The following GRID1 variants were observed in gnomAD, a reference collection of about 807,000 sequenced individuals.
GRID1 encodes the protein glutamate receptor ionotropic, delta-1.
In GRID1, 28 loss-of-function variants were observed where a neutral mutation model predicts 98.0. That is an observed-to-expected ratio of 0.29 (90% confidence interval 0.21 to 0.39). The LOEUF (loss-of-function observed/expected upper bound fraction) is 0.39. Among genes scored for constraint, GRID1 ranks in the 10% least tolerant of loss-of-function variants. GRID1 has a pLI of 1.00. For synonymous variants in GRID1, 553 were observed against 538.5 expected, an observed-to-expected ratio of 1.03 and a Z score of -0.37; for missense variants, 1,111 against 1,340.5, an observed-to-expected ratio of 0.83 and a Z score of 2.67.
At chr10:85,655,067 G>A (rs1425186002) in intron 12 of GRID1, among the ~76,000 whole-genome samples, 1 of 152,172 alleles carries the variant, frequency 6.6e-6, no homozygotes, top group Non-Finnish European at 1.5e-5. Flanking sequence ...CCCCAGCAAA[G>A]GAGGCTTAGT....
chr10:85,900,112 G>A (rs74148827), intron 5 of GRID1, among the ~76,000 whole-genome samples: 93 of 152,314 alleles, frequency 6.1e-4, no homozygotes, highest in African/African-American at 2.1e-3. Context: ...GGTTCTGGTG[G>A]TTTGAACTAT....
intron 8 of GRID1, among the ~76,000 whole-genome samples, chr10:85,781,297 C>G (rs1842378846): frequency 6.6e-6 from 1 of 152,206 alleles, no homozygotes; most frequent in African/African-American, 2.4e-5. Flanking sequence ...ACTTCTGAGT[C>G]ATAATATCAT....
At chr10:86,327,474 T>C (rs560399608) in intron 2 of GRID1, among the ~76,000 whole-genome samples, 6 of 152,300 alleles carry the variant, frequency 3.9e-5, no homozygotes, top group African/African-American at 1.4e-4. Flanking sequence ...TCACAATCAA[T>C]CAATGCCAAT....
chr10:86,040,737 G>C (rs1025038415), intron 4 of GRID1, among the ~76,000 whole-genome samples: 3 of 152,142 alleles, frequency 2.0e-5, no homozygotes, highest in African/African-American at 7.2e-5. Context: ...AATTAAAAGA[G>C]AGAATTTTGA....
At chr10:86,207,400 C>A (rs1846042427) in intron 2 of GRID1, among the ~76,000 whole-genome samples, 1 of 152,172 alleles carries the variant, frequency 6.6e-6, no homozygotes, top group South Asian at 2.1e-4. Context: ...GCGGACGCTC[C>A]AGCAGCCGCT....
intron 8 of GRID1, among the ~76,000 whole-genome samples, chr10:85,791,982 C>A (rs1842485031): frequency 6.6e-6 from 1 of 152,024 alleles, no homozygotes; most frequent in African/African-American, 2.4e-5. Flanking sequence ...TCCCTGGGGC[C>A]CCCAGGCAGG....
At chr10:85,678,646 G>A (rs1283763419) in intron 12 of GRID1, among the ~76,000 whole-genome samples, 1 of 151,954 alleles carries the variant, frequency 6.6e-6, no homozygotes, top group African/African-American at 2.4e-5. Context: ...CCATACATCA[G>A]CCCTTCTTTA....
chr10:85,975,867 T>C (rs1432280408), intron 4 of GRID1, among the ~76,000 whole-genome samples: 1 of 152,228 alleles, frequency 6.6e-6, no homozygotes, highest in East Asian at 1.9e-4. Flanking sequence ...TAAAATATAT[T>C]TCATCTACAT....
At chr10:86,159,465 A>G (rs1845289987) in intron 3 of GRID1, among the ~76,000 whole-genome samples, 1 of 152,260 alleles carries the variant, frequency 6.6e-6, no homozygotes, top group South Asian at 2.1e-4. Flanking sequence ...CAGTACAGTA[A>G]CATGCTGTGC....
intron 5 of GRID1, among the ~76,000 whole-genome samples, chr10:85,892,024 G>A (rs1448147704): frequency 6.6e-6 from 1 of 151,762 alleles, no homozygotes; most frequent in East Asian, 1.9e-4. Context: ...AGAAGATAGA[G>A]CAAAACATGC....
At chr10:86,279,590 G>T (rs550478322) in intron 2 of GRID1, among the ~76,000 whole-genome samples, 1 of 152,270 alleles carries the variant, frequency 6.6e-6, no homozygotes, top group African/African-American at 2.4e-5. Flanking sequence ...ACTAGGCATA[G>T]AAAGGAACTT....
intron 8 of GRID1, among the ~76,000 whole-genome samples, chr10:85,823,761 A>G (rs1199319717): frequency 1.3e-5 from 2 of 152,338 alleles, no homozygotes; most frequent in Non-Finnish European, 2.9e-5. Flanking sequence ...ATGAGAAATG[A>G]TAAGACTGAC....
chr10:85,769,709 G>A (rs1372789483), intron 8 of GRID1, among the ~76,000 whole-genome samples: 5 of 152,216 alleles, frequency 3.3e-5, no homozygotes, highest in Non-Finnish European at 5.9e-5. Flanking sequence ...CACCCACGGA[G>A]TCTCGCTGAT....
At position 85,896,109 on chromosome 10, in the gene GRID1, G is replaced by A. The variant is rs141694134; in HGVS notation, c.780+20077C>T. Among the ~76,000 whole-genome samples the A allele has an allele frequency of 3.4e-3, 524 of 152,192 alleles. 3 individuals are homozygous for A. Among genetic ancestry groups the A allele is most frequent in the African/African-American group, 0.011 (474 of 41,520 alleles). On this transcript the variant is annotated intron_variant, in intron 5 of 15. Coordinates refer to ENST00000327946, the MANE Select transcript of GRID1 (RefSeq NM_017551.3). Reference sequence around the variant, plus strand: ...AGCTACTTTACATTGTCTTCCACTGGCTCTTTGAATCTGTTCATTCATTCA... The same window carrying A: ...AGCTACTTTACATTGTCTTCCACTGACTCTTTGAATCTGTTCATTCATTCA...
intron 8 of GRID1, among the ~76,000 whole-genome samples, chr10:85,847,491 T>A (rs1843017463): frequency 6.6e-6 from 1 of 152,178 alleles, no homozygotes; most frequent in African/African-American, 2.4e-5. Flanking sequence ...TGAATTAAAT[T>A]AAAGCTCAGA....
intron 2 of GRID1, among the ~76,000 whole-genome samples, chr10:86,230,305 C>T (rs1846430905): frequency 6.6e-6 from 1 of 152,202 alleles, no homozygotes; most frequent in Non-Finnish European, 1.5e-5. Context: ...CAGGTCTCCA[C>T]TTCTCTGGTC....
chr10:86,312,571 G>A (rs1200078877), intron 2 of GRID1, among the ~76,000 whole-genome samples: 1 of 152,266 alleles, frequency 6.6e-6, no homozygotes, highest in African/African-American at 2.4e-5. Flanking sequence ...ATAGGAAGCA[G>A]TGGGTGCCAT....
intron 12 of GRID1, among the ~76,000 whole-genome samples, chr10:85,695,649 A>G (rs1841384846): frequency 6.6e-6 from 1 of 152,196 alleles, no homozygotes; most frequent in Admixed American, 6.5e-5. Flanking sequence ...AATATCTCCA[A>G]TTTGACCTTA....
intron 2 of GRID1, among the ~76,000 whole-genome samples, chr10:86,258,913 C>T (rs1234690059): frequency 2.0e-5 from 3 of 152,194 alleles, no homozygotes; most frequent in African/African-American, 7.2e-5. Context: ...CTGATCATCA[C>T]CTCAATAGAA....
Sources: gnomAD v4.1 joint callset for allele counts (sites outside exome capture counted in the v4.1 genomes callset) on GRCh38, gnomAD v4.1.1 for gene constraint, MANE v1.5 for transcripts, NCBI Gene and HGNC (gene_info 2026-07-23, HGNC 2026-07-21) for gene names.